Variants in NEK8 observed in about 807,000 individuals in gnomAD.
NEK8 encodes the protein serine/threonine-protein kinase Nek8.
Under a neutral mutation model 77.2 loss-of-function variants are expected in NEK8, and 51 were observed. That is an observed-to-expected ratio of 0.66 (90% CI 0.53 to 0.83). The LOEUF is 0.83. Ranked by LOEUF, NEK8 falls within the 40% of genes least tolerant of loss-of-function variation. NEK8 has a pLI of 0.00. For missense variants in NEK8, 787 were observed against 909.2 expected (o/e 0.87, Z 1.73); for synonymous variants, 365 against 363.2 (o/e 1.00, Z -0.06).
intron 1 of NEK8, among the ~76,000 whole-genome samples, chr17:28,732,065 G>T (rs2034313605): frequency 6.6e-6 from 1 of 150,484 alleles, no homozygotes; most frequent in Non-Finnish European, 1.5e-5. Context: ...CGAGTAGCTG[G>T]GACTACAGGC....
Position 28,740,598 on chromosome 17 carries a change from C to G in NEK8, c.1553C>G (p.Ala518Gly). 1 of 1,614,186 alleles carries G rather than the reference C, an allele frequency of 6.2e-7. No individual in the cohort carries two copies. Among genetic ancestry groups the G allele is most frequent in the Non-Finnish European group, 8.5e-7 (1 of 1,180,032 alleles). The change falls in exon 11 of 15, where the codon GCC becomes GGC. Residue 518 changes from alanine (A) to glycine (G), a missense_variant. Ala to Gly is a moderately conservative substitution (Grantham distance 60). Transcript: ENST00000268766. The surrounding 1 kb of genome is among the most constrained non-coding windows in gnomAD (Gnocchi z 4.7). ...MILTVPGQAL[A>G]CGSNRFNKLG... ...CTCACTGTGCCTGGCCAAGCCCTAG[C>G]CTGTGGGAGCAACAGGTGAATAGAT...
intron 1 of NEK8, chr17:28,732,990 C>T (rs2034325705): frequency 6.6e-6 from 1 of 151,938 alleles, no homozygotes; most frequent in Non-Finnish European, 1.5e-5. Flanking sequence ...CCTCCCACCT[C>T]ATCCTCCAGA....
chr17:28,734,239 G>C (rs1287127719), intron 2 of NEK8, 51 bp downstream of exon 2: 1 of 1,492,434 alleles, frequency 6.7e-7, no homozygotes, highest in Non-Finnish European at 9.3e-7. Flanking sequence ...TTACCTCTGG[G>C]ACAGGCAGAC....
chr17:28,734,877 A>G lies in NEK8; in HGVS notation c.359A>G (p.His120Arg). The change falls in exon 3 of 15, where the codon CAC becomes CGC. Residue 120 changes from histidine (H) to arginine (R), a missense_variant. Transcript: ENST00000268766. Reference protein sequence around the residue: ...VQILLALHHVHTHLILHRDLK... With the variant: ...VQILLALHHVRTHLILHRDLK... ...ATCCTGCTTGCACTGCATCATGTGCACACCCACCTCATCCTGCACCGAGAC... is the reference window on the plus strand; with the variant it reads ...ATCCTGCTTGCACTGCATCATGTGCGCACCCACCTCATCCTGCACCGAGAC... The G allele has an allele frequency of 6.2e-7, 1 of 1,613,712 alleles. No homozygotes were observed. Among genetic ancestry groups the G allele is most frequent in the South Asian group, 1.1e-5 (1 of 91,064 alleles).
chr17:28,731,908 ATTTTTTTTTTTTTTTTTTTTTTT>A (rs71135844), intron 1 of NEK8, among the ~76,000 whole-genome samples: 2,914 of 52,772 alleles, frequency 0.055, 106 homozygotes, highest in South Asian at 0.11. Flanking sequence ...CCTGGCCCCA[ATTTTTTTTTTTTTTTTTTTTTTT>A]TTTTTTTTTT....
intron 1 of NEK8, among the ~76,000 whole-genome samples, chr17:28,729,531 GATT>G (rs1370787242): frequency 1.3e-4 from 13 of 98,084 alleles, no homozygotes; most frequent in Admixed American, 3.7e-4. Flanking sequence ...AAATTTTTTG[GATT>G]TTTTTTTTTT....
At position 28,742,026 on chromosome 17, in the gene NEK8, T is replaced by G; in HGVS notation, c.*39T>G. On this transcript the variant is annotated 3_prime_UTR_variant, in exon 15 of 15. Transcript: ENST00000268766. ...ACCTCTGGACCACCCTGATATTGCT[T>G]CTCCTCTGAATGCTCTGAAAAGTGC... is the stretch of plus-strand genomic sequence containing the variant. 3 of 1,604,968 alleles carry G rather than the reference T, an allele frequency of 1.9e-6. No homozygotes were observed. Among genetic ancestry groups the G allele is most frequent in the Non-Finnish European group, 1.7e-6 (2 of 1,171,770 alleles).
Position 28,741,025 on chromosome 17 carries a change from A to G in NEK8, c.1732+40A>G. On this transcript the variant is annotated intron_variant, in intron 12 of 14. Coordinates refer to ENST00000268766, the MANE Select transcript of NEK8 (RefSeq NM_178170.3). This position sits in a 1 kb window ranked among gnomAD's most constrained non-coding sequence, Gnocchi z 4.5. ...GGCTCTGGAGGTCAGAGGGGGACTC[A>G]CGGTCTCCTTGGTACCCTGTTGAAG... 6.2e-7 allele frequency: 1 copy of G among 1,614,058 alleles called. No homozygotes were observed. The highest frequency in any genetic ancestry group is 8.5e-7 in the Non-Finnish European group (1 of 1,179,962).
At chr17:28,732,221 A>G (rs2034315076) in intron 1 of NEK8, among the ~76,000 whole-genome samples, 1 of 151,830 alleles carries the variant, frequency 6.6e-6, no homozygotes, top group African/African-American at 2.4e-5. Context: ...TGGGAGGCCG[A>G]GGTGGGAGCA....
At chr17:28,739,020 G>A in intron 9 of NEK8, 64 bp from the exon 10 acceptor site, 3 of 1,170,500 alleles carry the variant, frequency 2.6e-6, no homozygotes, top group South Asian at 1.2e-5. Context: ...CCCTACAGGG[G>A]GTGTTGAAGC....
chr17:28,732,545 CTTTTTTT>C (rs1054257308), intron 1 of NEK8, among the ~76,000 whole-genome samples: 36 of 77,914 alleles, frequency 4.6e-4, no homozygotes, highest in African/African-American at 1.5e-3. Flanking sequence ...TTTTTCTTTT[CTTTTTTT>C]TTTTTTTTTT....
At chr17:28,735,869 G>A (rs1038898811) in intron 4 of NEK8, among the ~76,000 whole-genome samples, 2 of 152,004 alleles carry the variant, frequency 1.3e-5, no homozygotes, top group East Asian at 1.9e-4. Flanking sequence ...TTGGTGTGCT[G>A]CACCCATTAA....
rs201773965 is a variant in NEK8, at chr17:28,735,335, C to T, written c.582C>T (p.Tyr194=). ...TCTGGGCCCTGGGCTGTGTCCTCTA[C>T]GAGCTGGCCAGCCTCAAGAGGGCTT... ...SDIWALGCVL[Y]ELASLKRAFE... The change falls in exon 4 of 15, where the codon TAC becomes TAT. Residue 194 remains tyrosine (Y), a synonymous_variant. Coordinates refer to ENST00000268766, the MANE Select transcript of NEK8 (RefSeq NM_178170.3). 270 of 1,614,064 alleles carry T rather than the reference C, an allele frequency of 1.7e-4. 1 individual carries two copies. The Middle Eastern group carries it at 2.6e-3, about 16-fold the overall frequency.
At position 28,741,429 on chromosome 17, in the gene NEK8, T is replaced by C; in HGVS notation, c.1908T>C (p.Ser636=). ...VAIGAESEVY[S]WGKGARGRLG... is the part of the protein sequence containing the mutation. Reference sequence around the variant, plus strand: ...TCCTGGCAGAGAGCGAAGTGTACTCTTGGGGCAAAGGGGCGCGAGGTCGAT... The same window carrying C: ...TCCTGGCAGAGAGCGAAGTGTACTCCTGGGGCAAAGGGGCGCGAGGTCGAT... The change falls in exon 14 of 15, where the codon TCT becomes TCC. Residue 636 remains serine, a synonymous_variant. Transcript: ENST00000268766. This position sits in a 1 kb window ranked among gnomAD's most constrained non-coding sequence, Gnocchi z 4.5. 1.9e-6 allele frequency: 3 copies of C among 1,614,080 alleles called. No individual in the cohort carries two copies. The highest frequency in any genetic ancestry group is 1.3e-5 in the African/African-American group (1 of 75,024).
chr17:28,729,532 AT>A (rs10523946), intron 1 of NEK8, among the ~76,000 whole-genome samples: 2,540 of 98,304 alleles, frequency 0.026, 60 homozygotes, highest in African/African-American at 0.094. Flanking sequence ...AATTTTTTGG[AT>A]TTTTTTTTTT....
chr17:28,736,135 A>G (rs1224157032), intron 4 of NEK8, among the ~76,000 whole-genome samples: 4 of 152,252 alleles, frequency 2.6e-5, no homozygotes, highest in East Asian at 1.9e-4. Flanking sequence ...ATAGTTTTCC[A>G]TGGTGTGTAT....
chr17:28,734,111 A>G lies in NEK8; in HGVS notation c.176A>G (p.Asn59Ser). 3 of 1,614,022 alleles carry G rather than the reference A, an allele frequency of 1.9e-6. No homozygotes were observed. The highest frequency in any genetic ancestry group is 2.2e-5 in the East Asian group (1 of 44,868). Residue 59 changes from asparagine to serine, a missense_variant, in exon 2 of 15, where the codon AAC becomes AGC. Physicochemically the swap from Asn to Ser is conservative, Grantham distance 46. Around this residue, in one of 2 missense-constraint regions of NEK8, gnomAD observed 271 missense variants for 365.1 expected, o/e 0.74. Transcript: ENST00000268766. ...GAGTGCCAGGTCCTCAAGCTGCTCA[A>G]CCACCCCAATGTCATTGAGTACTAC... ...QNECQVLKLL[N>S]HPNVIEYYEN...
intron 2 of NEK8, 29 bp downstream of exon 2, chr17:28,734,217 C>T (rs1323375630): frequency 6.3e-7 from 1 of 1,588,910 alleles, no homozygotes; most frequent in Non-Finnish European, 8.6e-7. Context: ...AGTGGCCTGG[C>T]TGGAGGGCCT....
At chr17:28,729,011 G>A in intron 1 of NEK8, 151 bp downstream of exon 1, 1 of 715,346 alleles carries the variant, frequency 1.4e-6, no homozygotes, top group Non-Finnish European at 2.4e-6. Context: ...CAGTCCCCCG[G>A]GGAGACTCCG....
Sources: gnomAD v4.1 joint callset for allele counts (sites outside exome capture counted in the v4.1 genomes callset) on GRCh38, gnomAD v4.1.1 for gene constraint, gnomAD v4.1.1 regional missense constraint, Gnocchi (gnomAD v3.1) non-coding constraint, MANE v1.5 for transcripts, NCBI Gene and HGNC (gene_info 2026-07-23, HGNC 2026-07-21) for gene names.